SMG1: variants seen among roughly 807,000 people sequenced by gnomAD.
SMG1 encodes the protein SMG1 nonsense mediated mRNA decay associated PI3K related kinase.
In SMG1, 22 loss-of-function variants were observed where a neutral mutation model predicts 419.9. That is an observed-to-expected ratio of 0.05 (90% CI 0.04 to 0.07). The LOEUF (loss-of-function observed/expected upper bound fraction) is 0.07. SMG1 is among the 10% of genes least tolerant of loss of function. The pLI is 1.00. For synonymous variants in SMG1, 1,538 were observed against 1,553.5 expected (o/e 0.99, Z 0.23); for missense variants, 3,185 against 4,342.0 (o/e 0.73, Z 7.49).
In SMG1 at chr16:18,838,685, T is replaced by C; in HGVS notation, c.6950A>G (p.Tyr2317Cys). 1 of 1,596,280 alleles carries C rather than the reference T, an allele frequency of 6.3e-7. No homozygotes were observed. Among genetic ancestry groups the C allele is most frequent in the Non-Finnish European group, 8.5e-7 (1 of 1,171,524 alleles). The change falls in exon 43 of 63, where the codon TAT becomes TGT. Residue 2317 changes from tyrosine to cysteine, a missense_variant. Physicochemically the swap from Tyr to Cys is radical, Grantham distance 194. Transcript: ENST00000446231. The part of the protein sequence containing the change: ...PDEWWRVTQS[Y>C]ARSTAVMSMV... ...AGACATGACTGCAGTAGATCTTGCA[T>C]AAGACTAAAGGAAAGGAAATGGGGG...
intron 13 of SMG1, among the ~76,000 whole-genome samples, 181 bp from the exon 14 acceptor site, chr16:18,872,805 T>C (rs1189293821): frequency 2.0e-5 from 3 of 152,212 alleles, no homozygotes; most frequent in Non-Finnish European, 4.4e-5. Flanking sequence ...AGCCTTTGCG[T>C]GCAATATACC....
At chr16:18,925,885 T>C (rs894500443) in intron 1 of SMG1, 65 bp downstream of exon 1, 9 of 1,306,718 alleles carry the variant, frequency 6.9e-6, no homozygotes, top group Non-Finnish European at 9.3e-6. Context: ...CCCGCGGCCC[T>C]AGGCCTCGGC....
At chr16:18,822,393 A>T (rs1404247252) in intron 55 of SMG1, among the ~76,000 whole-genome samples, 2 of 78,708 alleles carry the variant, frequency 2.5e-5, no homozygotes, top group Non-Finnish European at 5.6e-5. Context: ...TTTTAGGTCT[A>T]ACATTTAAGT....
chr16:18,815,604 G>C lies in SMG1; in HGVS notation c.10350C>G (p.Asn3450Lys). 1.2e-6 allele frequency: 2 copies of C among 1,613,944 alleles called. No individual in the cohort carries two copies. The highest frequency in any genetic ancestry group is 1.7e-6 in the Non-Finnish European group (2 of 1,179,870). ...ATTCACCCAAAAACTGCCTAACACT[G>C]TTCTCATAGGGAACATCTTCACCAT... ...LADGEDVPYENSVRQFLGEYK... is the reference protein window; with the variant it reads ...LADGEDVPYEKSVRQFLGEYK... The change falls in exon 59 of 63, where the codon AAC (asparagine) becomes AAG (lysine). Residue 3450 changes from asparagine to lysine, a missense_variant. This residue lies in a region of SMG1 where 737 missense variants were observed against 846.6 expected (regional missense o/e 0.87). Transcript: ENST00000446231.
chr16:18,886,521 G>C (rs1416128990), intron 6 of SMG1, among the ~76,000 whole-genome samples: 1 of 152,160 alleles, frequency 6.6e-6, no homozygotes, highest in Non-Finnish European at 1.5e-5. Context: ...CATCATTTTA[G>C]GCTGGGTGCA....
In SMG1 at chr16:18,812,014, G is replaced by A. The variant is rs1175934166; in HGVS notation, c.10735C>T (p.Pro3579Ser). The A allele has an allele frequency of 1.9e-6, 3 of 1,613,866 alleles. No homozygotes were observed. The highest frequency in any genetic ancestry group is 1.1e-5 in the South Asian group (1 of 91,080). ...CAAGCAACACTCTTGCCAGTTCCTG[G>A]AACGGTGCTTGGTGGAGTATCAGCT... ...TSADTPPSTVPGTGKSVACSP... is the reference protein window; with the variant it reads ...TSADTPPSTVSGTGKSVACSP... Residue 3579 changes from proline (P) to serine (S), a missense_variant, in exon 61 of 63, where the codon CCA becomes TCA. Pro to Ser is a moderately conservative substitution (Grantham distance 74). Coordinates refer to ENST00000446231, the MANE Select transcript of SMG1 (RefSeq NM_015092.5).
chr16:18,905,371 C>T (rs184173408), intron 1 of SMG1, among the ~76,000 whole-genome samples: 15 of 152,254 alleles, frequency 9.9e-5, no homozygotes, highest in African/African-American at 3.4e-4. Flanking sequence ...TCTTCCTTGC[C>T]TTCACTTACT....
Position 18,887,516 on chromosome 16 carries a change from C to CTTTGTT in SMG1, c.823-1851_823-1850insAACAAA, listed in dbSNP as rs749197007. On this transcript the variant is annotated intron_variant, in intron 6 of 62. Transcript: ENST00000446231. ...ACCACGCCCGACTTATTTTTTTTTCCTTTTTTTTTTTTTTTTTAATAGAAA... is the reference window on the plus strand; with the variant it reads ...ACCACGCCCGACTTATTTTTTTTTCCTTTGTTTTTTTTTTTTTTTTTTTAATAGAAA... Among the ~76,000 whole-genome samples the CTTTGTT allele has an allele frequency of 4.3e-4, 47 of 110,124 alleles. 1 individual carries two copies. The highest frequency in any genetic ancestry group is 2.2e-4 in the Non-Finnish European group (12 of 54,770). The allele number at this position is 110,124 out of a possible 152,430, so 72.2% of individuals were successfully genotyped here.
Position 18,859,006 on chromosome 16 carries a change from G to A in SMG1, c.4113+16C>T, listed in dbSNP as rs1237811920. 1 of 1,464,554 alleles carries A rather than the reference G, an allele frequency of 6.8e-7. No homozygotes were observed. The highest frequency in any genetic ancestry group is 2.4e-4 in the Middle Eastern group (1 of 4,092). 90.7% of individuals were successfully genotyped at this position (1,464,554 alleles called of 1,614,324 possible). ...CATTAATAGTCATAAGAGTGTGCTTGTAAAAATATACAGACCTCTGTTGAA... is the reference window on the plus strand; with the variant it reads ...CATTAATAGTCATAAGAGTGTGCTTATAAAAATATACAGACCTCTGTTGAA... On this transcript the variant is annotated intron_variant, in intron 28 of 62. Transcript: ENST00000446231.
intron 39 of SMG1, among the ~76,000 whole-genome samples, chr16:18,844,716 A>G (rs938170105): frequency 6.6e-6 from 1 of 152,062 alleles, no homozygotes; most frequent in African/African-American, 2.4e-5. Context: ...TTTTGTTTCT[A>G]CATGTATCTT....
At chr16:18,842,101 T>TA in intron 40 of SMG1, 107 bp downstream of exon 40, 1 of 1,233,620 alleles carries the variant, frequency 8.1e-7, no homozygotes, top group Non-Finnish European at 1.1e-6. Context: ...AATAATGACA[T>TA]ACAGAAATTC....
At chr16:18,890,297 C>T (rs2036819056) in intron 5 of SMG1, among the ~76,000 whole-genome samples, 1 of 152,130 alleles carries the variant, frequency 6.6e-6, no homozygotes, top group Admixed American at 6.6e-5. Flanking sequence ...TATGCCATTC[C>T]ATAAGTCAAG....
chr16:18,853,881 CAA>C lies in SMG1; in HGVS notation c.4484-16_4484-15del. The C allele has an allele frequency of 6.3e-7, 1 of 1,596,278 alleles. No homozygotes were observed. Among genetic ancestry groups the C allele is most frequent in the Non-Finnish European group, 8.5e-7 (1 of 1,169,894 alleles). On this transcript the variant is annotated splice_polypyrimidine_tract_variant and intron_variant, in intron 30 of 62. Transcript: ENST00000446231. The stretch of plus-strand genomic sequence containing the variant: ...GTGTTGACTGGCCTACAGAAAACCA[CAA>C]AGTCAGAACTTAGAACCTTTAAAAG...
At chr16:18,920,709 C>CA (rs2038163721) in intron 1 of SMG1, among the ~76,000 whole-genome samples, 1 of 151,714 alleles carries the variant, frequency 6.6e-6, no homozygotes. Flanking sequence ...GGGGTGGTGA[C>CA]ATGCACGTGT....
At chr16:18,896,300 A>G in intron 2 of SMG1, 93 bp from the exon 3 acceptor site, 1 of 1,201,678 alleles carries the variant, frequency 8.3e-7, no homozygotes, top group Non-Finnish European at 1.2e-6. Context: ...CTCAATCTGC[A>G]GCTCAACCAG....
chr16:18,900,498 A>C (rs1233490050), intron 1 of SMG1, among the ~76,000 whole-genome samples: 1 of 152,122 alleles, frequency 6.6e-6, no homozygotes, highest in Non-Finnish European at 1.5e-5. Context: ...AAAGAGAGAG[A>C]GTGTCATCTC....
Position 18,896,041 on chromosome 16 carries a change from C to T in SMG1, c.412+11G>A, listed in dbSNP as rs1273052899. The T allele has an allele frequency of 1.1e-5, 17 of 1,611,342 alleles. No individual in the cohort carries two copies. The highest frequency in any genetic ancestry group is 1.2e-5 in the Non-Finnish European group (14 of 1,179,328). On this transcript the variant is annotated intron_variant, in intron 3 of 62. Transcript: ENST00000446231. ...GGTGTATGTGATTGGTCCCCGTTTT[C>T]CCAGCCTTACCCTGTGATTTCCTCA...
intron 36 of SMG1, among the ~76,000 whole-genome samples, chr16:18,848,847 T>A (rs922388226): frequency 2.0e-5 from 3 of 151,282 alleles, no homozygotes; most frequent in Admixed American, 2.0e-4. Context: ...CCGAGGCAAG[T>A]GGATCACGAG....
chr16:18,896,363 ATTTCT>A (rs1214686202), intron 2 of SMG1, among the ~76,000 whole-genome samples, 156 bp from the exon 3 acceptor site: 15 of 152,068 alleles, frequency 9.9e-5, no homozygotes, highest in African/African-American at 2.9e-4. Flanking sequence ...AATCATTTTG[ATTTCT>A]TTTAATACAC....
Sources: gnomAD v4.1 joint callset for allele counts (sites outside exome capture counted in the v4.1 genomes callset) on GRCh38, gnomAD v4.1.1 for gene constraint, gnomAD v4.1.1 regional missense constraint, MANE v1.5 for transcripts, NCBI Gene and HGNC (gene_info 2026-07-23, HGNC 2026-07-21) for gene names.